SPAG17: variants seen among roughly 807,000 people sequenced by gnomAD.
SPAG17 encodes the protein sperm associated antigen 17.
A neutral mutation model predicts 273.6 loss-of-function variants in SPAG17; 169 were observed. The ratio of observed to expected loss-of-function variants is 0.62; its 90% CI spans 0.55 to 0.70. The LOEUF is 0.70. Among genes scored for constraint, SPAG17 ranks in the 30% least tolerant of loss-of-function variants. SPAG17 has a pLI of 0.00. For missense variants in SPAG17, 2,557 were observed against 2,627.8 expected, an observed-to-expected ratio of 0.97 and a Z score of 0.59; for synonymous variants, 825 against 873.2, an observed-to-expected ratio of 0.94 and a Z score of 0.97.
chr1:118,140,264 A>AT (rs1196383547), intron 3 of SPAG17, among the ~76,000 whole-genome samples: 1 of 152,158 alleles, frequency 6.6e-6, no homozygotes, highest in African/African-American at 2.4e-5. Context: ...GGAAAAATAC[A>AT]TTTTTTCTTT....
At chr1:118,062,538 T>C (rs1652448343) in intron 18 of SPAG17, among the ~76,000 whole-genome samples, 2 of 151,892 alleles carry the variant, frequency 1.3e-5, no homozygotes, top group South Asian at 2.1e-4. Flanking sequence ...AAGAGGAACA[T>C]GCCTAAGGAT....
chr1:118,126,500 A>G (rs1657744922), intron 3 of SPAG17, among the ~76,000 whole-genome samples: 1 of 151,834 alleles, frequency 6.6e-6, no homozygotes, highest in Non-Finnish European at 1.5e-5. Context: ...GGTGTGAGCC[A>G]CCGCGCCCGG....
intron 32 of SPAG17, among the ~76,000 whole-genome samples, chr1:118,002,255 T>C (rs914235641): frequency 6.6e-5 from 10 of 152,222 alleles, no homozygotes; most frequent in Non-Finnish European, 2.9e-5. Flanking sequence ...ACGTGGTCAA[T>C]TGTAAAATAA....
intron 24 of SPAG17, 95 bp from the exon 25 acceptor site, chr1:118,031,962 G>C (rs1648526624): frequency 2.0e-6 from 2 of 999,192 alleles, no homozygotes; most frequent in Non-Finnish European, 2.9e-6. Flanking sequence ...TACACAAGTT[G>C]ACAACAATTT....
chr1:118,114,883 T>A (rs1159813808), intron 4 of SPAG17, among the ~76,000 whole-genome samples: 1 of 152,216 alleles, frequency 6.6e-6, no homozygotes, highest in Non-Finnish European at 1.5e-5. Context: ...AAGGTGCAGA[T>A]ATGCCTATTA....
intron 3 of SPAG17, among the ~76,000 whole-genome samples, chr1:118,143,330 A>G (rs2102327261): frequency 6.6e-6 from 1 of 152,318 alleles, no homozygotes; most frequent in South Asian, 2.1e-4. Flanking sequence ...GAAAAAACAG[A>G]CTTCTGAATC....
intron 18 of SPAG17, among the ~76,000 whole-genome samples, chr1:118,059,091 A>T (rs556151530): frequency 6.6e-6 from 1 of 152,298 alleles, no homozygotes; most frequent in South Asian, 2.1e-4. Context: ...ATGATTCCCT[A>T]GAAAAGCAGA....
chr1:117,988,644 G>A (rs577897413), intron 38 of SPAG17, among the ~76,000 whole-genome samples: 2 of 152,150 alleles, frequency 1.3e-5, no homozygotes, highest in African/African-American at 2.4e-5. Context: ...CACAAAACAC[G>A]CTCTTGGTGG....
intron 4 of SPAG17, among the ~76,000 whole-genome samples, chr1:118,102,687 C>T (rs1656144486): frequency 6.6e-6 from 1 of 152,190 alleles, no homozygotes; most frequent in Non-Finnish European, 1.5e-5. Context: ...TCTTTCTTTC[C>T]CAACAGTTGC....
chr1:118,182,443 T>A (rs975286933), intron 1 of SPAG17, among the ~76,000 whole-genome samples: 4 of 152,216 alleles, frequency 2.6e-5, no homozygotes, highest in Non-Finnish European at 5.9e-5. Flanking sequence ...TTTCTAATGC[T>A]GCTAGAGATC....
At chr1:118,126,595 G>C (rs1443333096) in intron 3 of SPAG17, among the ~76,000 whole-genome samples, 1 of 152,030 alleles carries the variant, frequency 6.6e-6, no homozygotes, top group Non-Finnish European at 1.5e-5. Context: ...TCCTTTGTCA[G>C]ATGAATAATT....
intron 28 of SPAG17, among the ~76,000 whole-genome samples, chr1:118,019,475 T>A (rs897137226): frequency 2.6e-5 from 4 of 151,142 alleles, no homozygotes; most frequent in African/African-American, 4.9e-5. Context: ...AAAAAAAAAA[T>A]AAATAAAAGT....
chr1:118,007,687 C>T (rs147437021), intron 31 of SPAG17, among the ~76,000 whole-genome samples: 65 of 152,164 alleles, frequency 4.3e-4, no homozygotes, highest in Admixed American at 3.3e-4. Context: ...GAATGAGGGT[C>T]GAGGCGGCAG....
chr1:118,155,751 C>G (rs1375508014), intron 1 of SPAG17, among the ~76,000 whole-genome samples: 1 of 152,196 alleles, frequency 6.6e-6, no homozygotes, highest in Admixed American at 6.5e-5. Flanking sequence ...CAAACCTGTA[C>G]TTTATGTCAA....
intron 32 of SPAG17, among the ~76,000 whole-genome samples, chr1:117,999,834 C>A (rs1325230466): frequency 3.3e-5 from 5 of 152,164 alleles, no homozygotes; most frequent in Admixed American, 1.3e-4. Flanking sequence ...TTAATTATAT[C>A]TCATTTGTCT....
In SPAG17 at chr1:118,041,820, G is replaced by A; in HGVS notation, c.3037C>T (p.Pro1013Ser). Residue 1013 changes from proline (P) to serine (S), a missense_variant, in exon 21 of 49, where the codon CCT (proline) becomes TCT (serine). By Grantham distance (74) the Pro-to-Ser change is moderately conservative (BLOSUM62 -1). Transcript: ENST00000336338. ...GAGTTTACCGGGTAAGTTATCTTAG[G>A]TTCTGGTTGGTGGGGGGACTCTTCT... ...VTEESPHQPE[P>S]KITYPFHGYN... is the part of the protein sequence containing the mutation. The A allele has an allele frequency of 6.2e-7, 1 of 1,612,246 alleles. No homozygotes were observed. The highest frequency in any genetic ancestry group is 8.5e-7 in the Non-Finnish European group (1 of 1,179,500).
At chr1:118,048,900 A>G (rs541422374) in intron 20 of SPAG17, among the ~76,000 whole-genome samples, 34 of 152,304 alleles carry the variant, frequency 2.2e-4, no homozygotes, top group African/African-American at 8.2e-4. Context: ...CATCTAAAAA[A>G]AATAAAAATA....
chr1:117,989,462 T>C (rs1031768115), intron 38 of SPAG17, among the ~76,000 whole-genome samples: 1 of 151,932 alleles, frequency 6.6e-6, no homozygotes, highest in Admixed American at 6.6e-5. Context: ...GAGTGGGAAT[T>C]CACTCACCAC....
Position 117,974,487 on chromosome 1 carries a change from C to G in SPAG17, c.6005-926G>C, listed in dbSNP as rs75697527. On this transcript the variant is annotated intron_variant, in intron 43 of 48. Coordinates refer to ENST00000336338, the MANE Select transcript of SPAG17 (RefSeq NM_206996.4). ...TCTATTAAATCAACATTATATAATA[C>G]AATACAACATTAACTCTGAAAGATT... Among the ~76,000 whole-genome samples, 461 of 151,758 alleles carry G rather than the reference C, an allele frequency of 3.0e-3. 1 individual carries two copies. The highest frequency in any genetic ancestry group is 5.5e-3 in the Non-Finnish European group (375 of 67,938).
Sources: allele counts gnomAD v4.1 joint callset (sites outside exome capture counted in the v4.1 genomes callset), GRCh38; gene constraint gnomAD v4.1.1; transcripts MANE v1.5; gene names NCBI Gene and HGNC (gene_info 2026-07-23, HGNC 2026-07-21).